RAD52: variants seen among roughly 807,000 people sequenced by gnomAD.
The protein encoded by RAD52 is DNA repair protein RAD52 homolog.
Under a neutral mutation model 55.5 loss-of-function variants are expected in RAD52, and 47 were observed. That is an observed-to-expected ratio of 0.85 (90% CI 0.67 to 1.08). The LOEUF (loss-of-function observed/expected upper bound fraction) is 1.08, where lower values mean the gene tolerates loss of function less well. RAD52 is among the 50% of genes least tolerant of loss of function. RAD52 has a pLI of 0.00. For missense variants in RAD52, 468 were observed against 522.8 expected, an observed-to-expected ratio of 0.90 and a Z score of 1.02; for synonymous variants, 184 against 198.9, an observed-to-expected ratio of 0.92 and a Z score of 0.63.
intron 7 of RAD52, among the ~76,000 whole-genome samples, chr12:923,022 G>T (rs1211790047): frequency 6.6e-6 from 1 of 151,436 alleles, no homozygotes; most frequent in Non-Finnish European, 1.5e-5. Flanking sequence ...ATGCCCAGCT[G>T]ATTTTTGTAT....
chr12:981,579 C>T (rs1349612554), intron 1 of RAD52, among the ~76,000 whole-genome samples: 1 of 151,832 alleles, frequency 6.6e-6, no homozygotes, highest in Non-Finnish European at 1.5e-5. Flanking sequence ...GGACATGGGT[C>T]CCAAGCAAAT....
chr12:916,675 T>G lies in RAD52; in HGVS notation c.689A>C (p.His230Pro), dbSNP rs1184994617. Residue 230 changes from histidine (H) to proline (P), a missense_variant, in exon 8 of 12, where the codon CAT (histidine) becomes CCT (proline). Coordinates refer to ENST00000358495, the MANE Select transcript of RAD52 (RefSeq NM_134424.4). ...GTCCTGGTCCGCCGGTATCACAGCA[T>G]GGCTGGGTCTGGAAGGGGAGGTCAC... ...QQVTSPSRPSHAVIPADQDCS... is the reference protein window; with the variant it reads ...QQVTSPSRPSPAVIPADQDCS... The G allele has an allele frequency of 1.9e-6, 3 of 1,613,924 alleles. No individual in the cohort carries two copies. Among genetic ancestry groups the G allele is most frequent in the Non-Finnish European group, 2.5e-6 (3 of 1,179,976 alleles).
At position 987,670 on chromosome 12, in the gene RAD52, C is replaced by T. The variant is rs186944704; in HGVS notation, c.-19+2139G>A. On this transcript the variant is annotated intron_variant, in intron 1 of 11. Transcript: ENST00000430095. ...CTGCCTCCTGGGCTTAAGCTATCCT[C>T]CCACCTCAGCCACCTGAGTAGCTGG... Among the ~76,000 whole-genome samples the T allele has an allele frequency of 2.8e-3, 420 of 151,898 alleles. 2 individuals carry two copies. Among genetic ancestry groups the T allele is most frequent in the South Asian group, 6.0e-3 (29 of 4,808 alleles).
intron 2 of RAD52, among the ~76,000 whole-genome samples, chr12:932,494 C>T (rs1279323867): frequency 6.7e-6 from 1 of 148,344 alleles, no homozygotes; most frequent in Non-Finnish European, 1.5e-5. Context: ...GACTCAGTCT[C>T]GAAAAAAAAA....
At chr12:972,277 C>T (rs896479550) in intron 1 of RAD52, among the ~76,000 whole-genome samples, 4 of 151,910 alleles carry the variant, frequency 2.6e-5, no homozygotes, top group Non-Finnish European at 5.9e-5. Context: ...TACACACACA[C>T]ATATATATAT....
At position 916,497 on chromosome 12, in the gene RAD52, C is replaced by T. The variant is rs745402929; in HGVS notation, c.726-14G>A. On this transcript the variant is annotated splice_polypyrimidine_tract_variant and intron_variant, in intron 8 of 11. Transcript: ENST00000358495. ...GAGCTCAGGCTTCTGCATGAGAGGG[C>T]GGCGGCGAGGACGGGCTCCTGAGCA... 2 of 1,605,932 alleles carry T rather than the reference C, an allele frequency of 1.2e-6. No individual in the cohort carries two copies. The highest frequency in any genetic ancestry group is 1.7e-6 in the Non-Finnish European group (2 of 1,178,430).
intron 1 of RAD52, among the ~76,000 whole-genome samples, chr12:982,274 C>T (rs1300280199): frequency 6.6e-6 from 1 of 152,154 alleles, no homozygotes; most frequent in Admixed American, 6.6e-5. Flanking sequence ...CTGGCTTGCG[C>T]TGAGAAAGCT....
At chr12:979,820 G>A (rs1958987156) in intron 1 of RAD52, among the ~76,000 whole-genome samples, 1 of 152,150 alleles carries the variant, frequency 6.6e-6, no homozygotes, top group Non-Finnish European at 1.5e-5. Flanking sequence ...GGCTGAGGCA[G>A]GCGGATCACG....
At chr12:926,971 A>G in intron 6 of RAD52, 174 bp downstream of exon 6, 1 of 1,558,788 alleles carries the variant, frequency 6.4e-7, no homozygotes, top group South Asian at 1.1e-5. Context: ...TTGAAAAAAT[A>G]CTAACGAAAG....
At chr12:961,863 TAAAAAAGAAAG>T (rs1041496209) in intron 1 of RAD52, among the ~76,000 whole-genome samples, 1 of 151,374 alleles carries the variant, frequency 6.6e-6, no homozygotes, top group Admixed American at 6.6e-5. Context: ...ACCCTGTATC[TAAAAAAGAAAG>T]AAAAAAGAGA....
At chr12:960,183 G>A (rs528068667) in intron 1 of RAD52, among the ~76,000 whole-genome samples, 25 of 152,170 alleles carry the variant, frequency 1.6e-4, no homozygotes, top group Non-Finnish European at 3.7e-4. Context: ...GTTGTTGTAC[G>A]GAGAATGGAT....
At chr12:931,424 A>T in intron 2 of RAD52, 103 bp from the exon 3 acceptor site, 3 of 833,948 alleles carry the variant, frequency 3.6e-6, no homozygotes, top group Non-Finnish European at 5.4e-6. Context: ...AAGACCCCCC[A>T]GAACCTTTGT....
chr12:919,439 C>A (rs748394159), intron 7 of RAD52, among the ~76,000 whole-genome samples: 32 of 151,458 alleles, frequency 2.1e-4, no homozygotes, highest in Non-Finnish European at 2.2e-4. Context: ...AATTCCGTCT[C>A]AACAACAAAA....
At chr12:931,954 C>G (rs966287117) in intron 2 of RAD52, among the ~76,000 whole-genome samples, 1 of 152,226 alleles carries the variant, frequency 6.6e-6, no homozygotes, top group African/African-American at 2.4e-5. Flanking sequence ...ACTCACAACT[C>G]TCTGCTAAAG....
intron 1 of RAD52, among the ~76,000 whole-genome samples, chr12:955,598 C>T (rs1159455507): frequency 2.6e-5 from 4 of 151,900 alleles, no homozygotes; most frequent in African/African-American, 7.3e-5. Context: ...CTCAGCCTCC[C>T]GAGTAACTGG....
chr12:973,706 T>C (rs970958179), intron 1 of RAD52, among the ~76,000 whole-genome samples: 1 of 151,312 alleles, frequency 6.6e-6, no homozygotes, highest in Non-Finnish European at 1.5e-5. Flanking sequence ...CTCAAACTCC[T>C]GGGCTCAAGT....
At chr12:926,000 C>A (rs1957013693) in intron 6 of RAD52, among the ~76,000 whole-genome samples, 1 of 152,132 alleles carries the variant, frequency 6.6e-6, no homozygotes, top group African/African-American at 2.4e-5. Context: ...TGGTTCAATT[C>A]ACTTCAATTC....
At chr12:979,805 T>A (rs61917248) in intron 1 of RAD52, among the ~76,000 whole-genome samples, 1 of 152,042 alleles carries the variant, frequency 6.6e-6, no homozygotes, top group African/African-American at 2.4e-5. Flanking sequence ...CCCAGCACTT[T>A]GGGAGGCTGA....
chr12:968,029 T>A (rs544299125), intron 1 of RAD52, among the ~76,000 whole-genome samples: 1 of 152,256 alleles, frequency 6.6e-6, no homozygotes, highest in East Asian at 1.9e-4. Context: ...TGTACTATTT[T>A]ATGCCTTTCC....
Sources: gnomAD v4.1 joint callset for allele counts (sites outside exome capture counted in the v4.1 genomes callset) on GRCh38, gnomAD v4.1.1 for gene constraint, MANE v1.5 for transcripts, NCBI Gene and HGNC (gene_info 2026-07-23, HGNC 2026-07-21) for gene names.